Variants in SYN2 observed in about 807,000 individuals in gnomAD.
SYN2 encodes the protein synapsin II, also known as synapsin-2.
SYN2 carries 19 observed loss-of-function variants against 50.9 expected under a neutral mutation model. That is an observed-to-expected ratio of 0.37 (90% CI 0.26 to 0.55). SYN2 has a LOEUF of 0.55. Ranked by LOEUF, SYN2 falls within the 20% of genes least tolerant of loss-of-function variation. The pLI, the probability that SYN2 is intolerant of heterozygous loss-of-function variation, is 0.81. For synonymous variants in SYN2, 255 were observed against 224.9 expected (o/e 1.13, Z -1.20); for missense variants, 587 against 576.4 (o/e 1.02, Z -0.19).
At chr3:12,072,113 T>G (rs893154235) in intron 1 of SYN2, among the ~76,000 whole-genome samples, 1 of 152,236 alleles carries the variant, frequency 6.6e-6, no homozygotes, top group Non-Finnish European at 1.5e-5. Context: ...CCTTTTTATG[T>G]GATTTTGGCT....
At chr3:12,161,362 T>C (rs1330740977) in intron 5 of SYN2, among the ~76,000 whole-genome samples, 184 bp from the exon 6 acceptor site, 2 of 152,182 alleles carry the variant, frequency 1.3e-5, no homozygotes, top group Admixed American at 6.5e-5. Flanking sequence ...GCCACTAATA[T>C]GCTCTGTGAC....
intron 4 of SYN2, 38 bp downstream of exon 4, chr3:12,145,873 A>T (rs1211269742): frequency 1.2e-6 from 2 of 1,610,130 alleles, no homozygotes; most frequent in Non-Finnish European, 1.7e-6. Context: ...AAAGGGTAGG[A>T]TTCAGGCCCT....
At chr3:12,098,060 C>CA (rs1559418796) in intron 1 of SYN2, among the ~76,000 whole-genome samples, 1 of 152,014 alleles carries the variant, frequency 6.6e-6, no homozygotes, top group Non-Finnish European at 1.5e-5. Context: ...AAGTAGGATA[C>CA]ATTTTTGAAA....
intron 1 of SYN2, among the ~76,000 whole-genome samples, chr3:12,103,797 A>G (rs573778621): frequency 3.3e-4 from 50 of 152,322 alleles, no homozygotes; most frequent in African/African-American, 1.1e-3. Context: ...AATATTAACA[A>G]ATAAAAAAAG....
At chr3:12,037,937 T>C (rs866833968) in intron 1 of SYN2, among the ~76,000 whole-genome samples, 2 of 152,356 alleles carry the variant, frequency 1.3e-5, no homozygotes, top group Middle Eastern at 3.4e-3. Flanking sequence ...GTTTTTTCTT[T>C]TGTTGCTTGT....
chr3:12,126,011 T>C (rs1301402867), intron 1 of SYN2, among the ~76,000 whole-genome samples: 3 of 152,188 alleles, frequency 2.0e-5, no homozygotes, highest in East Asian at 3.9e-4. Flanking sequence ...CTAGAGTCTT[T>C]AAGTCACTCA....
chr3:12,185,329 G>A, intron 11 of SYN2: 1 of 985,704 alleles, frequency 1.0e-6, no homozygotes, highest in African/African-American at 1.7e-5. Flanking sequence ...TTATCAGTGT[G>A]TACATCTGGT....
intron 1 of SYN2, among the ~76,000 whole-genome samples, chr3:12,125,855 A>C (rs548593822): frequency 1.1e-4 from 17 of 151,774 alleles, no homozygotes; most frequent in South Asian, 8.3e-4. Flanking sequence ...AAAAAAAAAA[A>C]AACCCACAAA....
rs748722586 is a variant in SYN2 at position 12,153,526 on chromosome 3, C to T, written c.774+2200C>T. On this transcript the variant is annotated intron_variant, in intron 5 of 12. Coordinates refer to ENST00000621198, the MANE Select transcript of SYN2 (RefSeq NM_133625.6). ...GTCACTGGTCCCTACTAGGGCTGAACGATGTCAACAAACTCCTTCCTGAGA... is the reference window on the plus strand; with the variant it reads ...GTCACTGGTCCCTACTAGGGCTGAATGATGTCAACAAACTCCTTCCTGAGA... 55 of 1,613,424 alleles carry T rather than the reference C, an allele frequency of 3.4e-5. No homozygotes were observed. The highest frequency in any genetic ancestry group is 1.8e-4 in the Admixed American group (11 of 60,026).
chr3:12,153,784 C>T, intron 5 of SYN2: 1 of 1,533,044 alleles, frequency 6.5e-7, no homozygotes, highest in Non-Finnish European at 9.0e-7. Flanking sequence ...TTTCAGATTC[C>T]TACGTACCTT....
chr3:12,017,255 A>G (rs1694045024), intron 1 of SYN2, among the ~76,000 whole-genome samples: 1 of 152,214 alleles, frequency 6.6e-6, no homozygotes, highest in Admixed American at 6.5e-5. Context: ...AAATGATAAT[A>G]CATAATGTAT....
intron 1 of SYN2, among the ~76,000 whole-genome samples, chr3:12,093,755 T>G (rs1172927307): frequency 6.6e-6 from 1 of 152,202 alleles, no homozygotes; most frequent in Non-Finnish European, 1.5e-5. Flanking sequence ...ATCCTTACTC[T>G]ATATCCTAAC....
At chr3:12,085,640 T>G (rs1233301759) in intron 1 of SYN2, among the ~76,000 whole-genome samples, 4 of 152,130 alleles carry the variant, frequency 2.6e-5, no homozygotes, top group Non-Finnish European at 5.9e-5. Context: ...AATTAAACAG[T>G]ATGCCCTAGA....
intron 1 of SYN2, among the ~76,000 whole-genome samples, chr3:12,022,159 G>A (rs762513490): frequency 1.3e-5 from 2 of 151,854 alleles, no homozygotes; most frequent in Non-Finnish European, 2.9e-5. Context: ...ATACTAGGCT[G>A]TGAGTTCCAT....
At chr3:12,122,805 C>T (rs1316630925) in intron 1 of SYN2, among the ~76,000 whole-genome samples, 1 of 151,544 alleles carries the variant, frequency 6.6e-6, no homozygotes, top group Non-Finnish European at 1.5e-5. Context: ...GTTAAAAAAT[C>T]TAAAGTTATA....
chr3:12,168,573 G>A (rs537920176), intron 9 of SYN2, 95 bp downstream of exon 9: 2 of 1,065,114 alleles, frequency 1.9e-6, no homozygotes, highest in Admixed American at 2.1e-5. Context: ...CCTGAACCAT[G>A]GAAATGTTCC....
intron 10 of SYN2, among the ~76,000 whole-genome samples, chr3:12,181,684 G>C (rs1011816461): frequency 1.8e-4 from 28 of 152,210 alleles, no homozygotes; most frequent in African/African-American, 6.8e-4. Context: ...GGTTTAGGAG[G>C]TTAATAGGTA....
At chr3:12,150,729 C>T in intron 4 of SYN2, among the ~76,000 whole-genome samples, 1 of 152,174 alleles carries the variant, frequency 6.6e-6, no homozygotes, top group East Asian at 1.9e-4. Context: ...TTTTATGATG[C>T]CTCCTGCTCA....
intron 5 of SYN2, chr3:12,153,714 T>C: frequency 6.2e-7 from 1 of 1,614,176 alleles, no homozygotes; most frequent in Non-Finnish European, 8.5e-7. Context: ...GGTGGTGATC[T>C]AGAGTCATGG....
Sources: allele counts gnomAD v4.1 joint callset (sites outside exome capture counted in the v4.1 genomes callset), GRCh38; gene constraint gnomAD v4.1.1; transcripts MANE v1.5; gene names NCBI Gene and HGNC (gene_info 2026-07-23, HGNC 2026-07-21).